TXNL4A: variants seen among roughly 807,000 people sequenced by gnomAD.
TXNL4A encodes the protein thioredoxin-like protein 4A.
Under a neutral mutation model 14.6 loss-of-function variants are expected in TXNL4A, and 17 were observed. The ratio of observed to expected loss-of-function variants is 1.16; its 90% confidence interval spans 0.80 to 1.74. TXNL4A has a LOEUF of 1.74. TXNL4A is among the 40% of genes most tolerant of loss of function. TXNL4A has a pLI of 0.00. For missense variants in TXNL4A, 74 were observed against 195.2 expected (o/e 0.38, Z 3.70); for synonymous variants, 83 against 70.6 (o/e 1.18, Z -0.88).
rs374357151 is a variant in TXNL4A, at chr18:79,999,003, G to C, written c.-60-21302C>G. Among the ~76,000 whole-genome samples the C allele has an allele frequency of 6.6e-5, 10 of 152,210 alleles. 1 individual carries two copies. Among genetic ancestry groups the C allele is most frequent in the Admixed American group, 4.6e-4 (7 of 15,290 alleles). ...AAATTTTGGAGCAGGATATGCTGTGGTTTCCTTACTAGAGGTAATTAAAGC... is the reference window on the plus strand; with the variant it reads ...AAATTTTGGAGCAGGATATGCTGTGCTTTCCTTACTAGAGGTAATTAAAGC... On this transcript the variant is annotated intron_variant, in intron 1 of 2. Coordinates refer to the TXNL4A transcript ENST00000585474.
In TXNL4A at chr18:79,971,719, A is replaced by G. The variant is rs939533765; in HGVS notation, c.*1966T>C. On this transcript the variant is annotated 3_prime_UTR_variant, in exon 3 of 3. Coordinates refer to ENST00000269601, the MANE Select transcript of TXNL4A (RefSeq NM_006701.5). ...GGCTCCAATTTCTCCACATCCTTGC[A>G]AACGCTTGTTGCGATCTTTTTGTAT... 1 of 152,220 alleles carries G rather than the reference A, an allele frequency of 6.6e-6. No individual in the cohort carries two copies. Among genetic ancestry groups the G allele is most frequent in the Non-Finnish European group, 1.5e-5 (1 of 68,050 alleles). The allele number at this position is 152,220 out of a possible 1,614,324, so 9.4% of individuals were successfully genotyped here.
chr18:80,022,535 C>T (rs9807401), intron 1 of TXNL4A, among the ~76,000 whole-genome samples: 4,303 of 152,178 alleles, frequency 0.028, 109 homozygotes, highest in African/African-American at 0.062. Flanking sequence ...TTGTTTGTTC[C>T]CAAGATGGTA....
upstream of TXNL4A, among the ~76,000 whole-genome samples, chr18:79,988,761 C>A (rs997292193): frequency 1.3e-5 from 2 of 152,076 alleles, no homozygotes; most frequent in African/African-American, 4.8e-5. Context: ...AGCGTCCAGG[C>A]GGCCTGGTGG....
chr18:79,996,494 G>A (rs1411633729), intron 1 of TXNL4A, among the ~76,000 whole-genome samples: 1 of 152,186 alleles, frequency 6.6e-6, no homozygotes, highest in Non-Finnish European at 1.5e-5. Flanking sequence ...AGTGTGACAT[G>A]CTCCGTTGGT....
In TXNL4A at chr18:80,025,113, G is replaced by A. The variant is rs560221046; in HGVS notation, c.-61+8738C>T. On this transcript the variant is annotated intron_variant, in intron 1 of 2. Coordinates refer to the TXNL4A transcript ENST00000585474. ...TAAATGGGGATCTTTTGAGATGCCCGAATTAGTGTACCTGAGAACCAGGAT... is the reference window on the plus strand; with the variant it reads ...TAAATGGGGATCTTTTGAGATGCCCAAATTAGTGTACCTGAGAACCAGGAT... 4.6e-5 allele frequency among the ~76,000 whole-genome samples: 7 copies of A among 152,248 alleles called. No homozygotes were observed. The South Asian group carries it at 6.2e-4, about 14-fold the overall frequency.
intron 1 of TXNL4A, among the ~76,000 whole-genome samples, chr18:80,006,344 A>G (rs964934158): frequency 2.6e-5 from 4 of 151,860 alleles, no homozygotes; most frequent in African/African-American, 9.7e-5. Flanking sequence ...AGATCATGCC[A>G]TTGCACTCCA....
At chr18:79,993,460 G>A (rs767126651), upstream of TXNL4A, among the ~76,000 whole-genome samples, 7 of 152,198 alleles carry the variant, frequency 4.6e-5, no homozygotes, top group African/African-American at 7.2e-5. The surrounding 1 kb of genome is among the most constrained non-coding windows in gnomAD (Gnocchi z 4.4). Flanking sequence ...TTGGGATTTT[G>A]TCTTGCAAAT....
intron 1 of TXNL4A, chr18:80,033,833 C>G (rs1440565989): frequency 6.9e-6 from 1 of 145,320 alleles, no homozygotes; most frequent in African/African-American, 2.6e-5. Flanking sequence ...CCGCCCCCCC[C>G]GCCCGCACAC....
At chr18:79,997,419 C>T (rs573562763) in intron 1 of TXNL4A, among the ~76,000 whole-genome samples, 19 of 133,476 alleles carry the variant, frequency 1.4e-4, no homozygotes, top group South Asian at 2.8e-4. Flanking sequence ...CAGGAGGGGA[C>T]GGAGATTTGT....
chr18:80,016,079 T>C (rs1249791383), intron 1 of TXNL4A, among the ~76,000 whole-genome samples: 5 of 145,468 alleles, frequency 3.4e-5, no homozygotes, highest in African/African-American at 1.3e-4. Flanking sequence ...TGGTATCTCA[T>C]TGTGGTTTTG....
chr18:80,010,891 C>T (rs1019218516), intron 1 of TXNL4A, among the ~76,000 whole-genome samples: 2 of 152,064 alleles, frequency 1.3e-5, no homozygotes, highest in Admixed American at 6.5e-5. Flanking sequence ...CTACCTAAGG[C>T]AAGCTAACTC....
chr18:79,974,850 G>A (rs9948257), intron 2 of TXNL4A, among the ~76,000 whole-genome samples: 6,517 of 152,076 alleles, frequency 0.043, 459 homozygotes, highest in African/African-American at 0.15. Flanking sequence ...GTCCCACCCC[G>A]GCCTGCAGAG....
intron 1 of TXNL4A, among the ~76,000 whole-genome samples, chr18:80,000,742 T>G (rs1157487129): frequency 6.6e-6 from 1 of 151,988 alleles, no homozygotes; most frequent in Non-Finnish European, 1.5e-5. Context: ...ACACCCTCCC[T>G]TCCTGGGTTC....
rs2051769546 is a variant in TXNL4A at position 80,011,534 on chromosome 18, G to C, written c.-61+22317C>G. 6.6e-6 allele frequency among the ~76,000 whole-genome samples: 1 copy of C among 151,948 alleles called. No homozygotes were observed. The highest frequency in any genetic ancestry group is 1.9e-4 in the East Asian group (1 of 5,154). On this transcript the variant is annotated intron_variant, in intron 1 of 2. Transcript: ENST00000585474. This position sits in a 1 kb window ranked among gnomAD's most constrained non-coding sequence, Gnocchi z 4.1. Reference sequence around the variant, plus strand: ...GCAATATTGTGGGAAAGAGTTTCTGGGGCGCCAGATGAGTTGGTCTCCCCT... The same window carrying C: ...GCAATATTGTGGGAAAGAGTTTCTGCGGCGCCAGATGAGTTGGTCTCCCCT...
intron 2 of TXNL4A, 145 bp from the exon 3 acceptor site, chr18:79,974,001 T>C: frequency 9.1e-7 from 1 of 1,096,398 alleles, no homozygotes; most frequent in Non-Finnish European, 1.3e-6. Flanking sequence ...TATGCCATGA[T>C]GCAGGAGAAT....
chr18:79,996,121 A>AAC (rs1555720004), intron 1 of TXNL4A, among the ~76,000 whole-genome samples: 1 of 150,900 alleles, frequency 6.6e-6, no homozygotes, highest in Non-Finnish European at 1.5e-5. Context: ...AAAAAAAAAA[A>AAC]AAAAAACGGC....
intron 1 of TXNL4A, among the ~76,000 whole-genome samples, chr18:80,021,399 G>T (rs1018626353): frequency 1.1e-4 from 16 of 152,060 alleles, no homozygotes; most frequent in African/African-American, 2.9e-4. Context: ...GGATGGTCTT[G>T]ATCTCCTGAC....
At chr18:80,025,475 T>G (rs1280993388) in intron 1 of TXNL4A, among the ~76,000 whole-genome samples, 1 of 152,234 alleles carries the variant, frequency 6.6e-6, no homozygotes, top group East Asian at 1.9e-4. Context: ...CAGCTGCTGC[T>G]GATTCCCCGA....
intron 1 of TXNL4A, among the ~76,000 whole-genome samples, chr18:80,029,679 C>A (rs557622897): frequency 6.6e-6 from 1 of 152,200 alleles, no homozygotes; most frequent in Admixed American, 6.5e-5. Flanking sequence ...CTAAATTCAC[C>A]TCCAGGCATT....
Sources: gnomAD v4.1 joint callset for allele counts (sites outside exome capture counted in the v4.1 genomes callset) on GRCh38, gnomAD v4.1.1 for gene constraint, Gnocchi (gnomAD v3.1) non-coding constraint, MANE v1.5 for transcripts, NCBI Gene and HGNC (gene_info 2026-07-23, HGNC 2026-07-21) for gene names.